The following RAB2A variants were observed in gnomAD, a reference collection of about 807,000 sequenced individuals.
RAB2A encodes the protein RAB2A, member RAS oncogene family, also known as ras-related protein Rab-2A.
Under a neutral mutation model 32.5 loss-of-function variants are expected in RAB2A, and 7 were observed. The ratio of observed to expected loss-of-function variants is 0.22; its 90% confidence interval spans 0.12 to 0.40. The LOEUF is 0.40. Ranked by LOEUF, RAB2A falls within the 10% of genes least tolerant of loss-of-function variation. The pLI is 1.00. For synonymous variants in RAB2A, 79 were observed against 85.2 expected, an observed-to-expected ratio of 0.93 and a Z score of 0.40; for missense variants, 108 against 260.7, an observed-to-expected ratio of 0.41 and a Z score of 4.03.
intron 1 of RAB2A, among the ~76,000 whole-genome samples, chr8:60,526,307 G>T (rs1411851270): frequency 6.6e-6 from 1 of 151,896 alleles, no homozygotes; most frequent in Non-Finnish European, 1.5e-5. Flanking sequence ...AGCTTTTCCC[G>T]ACTTCTAGAG....
At chr8:60,598,193 G>T (rs1337123001) in intron 6 of RAB2A, among the ~76,000 whole-genome samples, 3 of 152,084 alleles carry the variant, frequency 2.0e-5, no homozygotes, top group Non-Finnish European at 4.4e-5. Flanking sequence ...GTGAAACTAC[G>T]TCTCACAAAA....
chr8:60,544,022 A>G (rs962894215), intron 1 of RAB2A, among the ~76,000 whole-genome samples: 1 of 145,098 alleles, frequency 6.9e-6, no homozygotes, highest in African/African-American at 2.6e-5. Context: ...AGATTGCGCC[A>G]CTGCACTCCA....
intron 1 of RAB2A, among the ~76,000 whole-genome samples, chr8:60,529,527 T>C (rs1023608072): frequency 6.6e-6 from 1 of 152,218 alleles, no homozygotes; most frequent in South Asian, 2.1e-4. Flanking sequence ...CCGTTGTCAT[T>C]AGGTTTCCCT....
At chr8:60,598,252 T>C (rs1021391858) in intron 6 of RAB2A, among the ~76,000 whole-genome samples, 22 of 152,176 alleles carry the variant, frequency 1.4e-4, no homozygotes, top group Non-Finnish European at 3.2e-4. Flanking sequence ...ATTGAATTCA[T>C]AGTTTTAAAA....
At chr8:60,586,884 G>A (rs1031074189) in intron 5 of RAB2A, among the ~76,000 whole-genome samples, 1 of 150,014 alleles carries the variant, frequency 6.7e-6, no homozygotes, top group African/African-American at 2.5e-5. Flanking sequence ...AGCTATGATT[G>A]TGCCACCTGC....
chr8:60,517,107 C>T lies in RAB2A; in HGVS notation c.-101C>T, dbSNP rs1586054747. The stretch of plus-strand genomic sequence containing the variant: ...CAGCAGCAGCGGCGGCGGCGGGCGG[C>T]GCCTGGCGTTTCGAGGCTGAGCGGC... On this transcript the variant is annotated 5_prime_UTR_variant, in exon 1 of 8. Coordinates refer to ENST00000262646, the MANE Select transcript of RAB2A (RefSeq NM_002865.3). 1.1e-5 allele frequency: 14 copies of T among 1,253,500 alleles called. No homozygotes were observed. The highest frequency in any genetic ancestry group is 1.5e-5 in the Non-Finnish European group (14 of 948,738). 77.6% of individuals were successfully genotyped at this position (1,253,500 alleles called of 1,614,324 possible). A position where few individuals can be genotyped will look rare whatever the true frequency, so the allele number is the denominator to read the frequency against.
chr8:60,524,529 A>G (rs1239447535), intron 1 of RAB2A, among the ~76,000 whole-genome samples: 1 of 152,198 alleles, frequency 6.6e-6, no homozygotes, highest in Non-Finnish European at 1.5e-5. Flanking sequence ...ATTATTTGCA[A>G]GTTTTAAAAT....
intron 3 of RAB2A, among the ~76,000 whole-genome samples, chr8:60,575,744 G>T (rs944585957): frequency 1.4e-5 from 2 of 139,770 alleles, no homozygotes. Flanking sequence ...CGCAACCTCC[G>T]CCTCCCGGGT....
rs914365224 is a variant in RAB2A at position 60,622,284 on chromosome 8, C to A, written c.*1515C>A. On this transcript the variant is annotated 3_prime_UTR_variant, in exon 8 of 8. Coordinates refer to ENST00000262646, the MANE Select transcript of RAB2A (RefSeq NM_002865.3). ...ACTCTGAAACTAACTACTTTCATTT[C>A]GCTCATGGCCTTCAACTTTCTACAG... The A allele has an allele frequency of 1.3e-5, 2 of 152,208 alleles. No individual in the cohort carries two copies. The highest frequency in any genetic ancestry group is 2.9e-5 in the Non-Finnish European group (2 of 68,038). The allele number at this position is 152,208 out of a possible 1,614,324, so 9.4% of individuals were successfully genotyped here. A position where few individuals can be genotyped will look rare whatever the true frequency, so the allele number is the denominator to read the frequency against.
intron 1 of RAB2A, among the ~76,000 whole-genome samples, chr8:60,543,907 C>T (rs1162386555): frequency 1.3e-5 from 2 of 151,522 alleles, no homozygotes; most frequent in Admixed American, 6.6e-5. Context: ...ACTAAAAATA[C>T]GAAAATTAGC....
At chr8:60,533,704 C>T (rs1258597927) in intron 1 of RAB2A, among the ~76,000 whole-genome samples, 1 of 152,086 alleles carries the variant, frequency 6.6e-6, no homozygotes, top group Non-Finnish European at 1.5e-5. Context: ...GGCATGGTGG[C>T]TTACATCTGT....
chr8:60,592,098 TC>T, intron 6 of RAB2A, 129 bp downstream of exon 6: 1 of 516,154 alleles, frequency 1.9e-6, no homozygotes, highest in Non-Finnish European at 3.5e-6. Flanking sequence ...GAAAGTTTCT[TC>T]CCTTTGAAAT....
chr8:60,591,623 A>G (rs573577887), intron 5 of RAB2A: 3 of 334,298 alleles, frequency 9.0e-6, no homozygotes, highest in South Asian at 5.0e-5. Context: ...GGCTAGTTCT[A>G]ACGTTCTAAA....
chr8:60,579,413 C>T (rs1031627382), intron 3 of RAB2A, among the ~76,000 whole-genome samples: 4 of 152,154 alleles, frequency 2.6e-5, no homozygotes, highest in Non-Finnish European at 5.9e-5. Context: ...CCACTCTGGC[C>T]ACTCCACCCC....
At position 60,589,031 on chromosome 8, in the gene RAB2A, T is replaced by C. The variant is rs553781342; in HGVS notation, c.363-2827T>C. Among the ~76,000 whole-genome samples the C allele has an allele frequency of 6.6e-5, 10 of 152,346 alleles. No homozygotes were observed. The East Asian group carries it at 1.9e-3, about 29-fold the overall frequency. On this transcript the variant is annotated intron_variant, in intron 5 of 7. Transcript: ENST00000262646. Reference sequence around the variant, plus strand: ...ATTTAAATCATCTCACTAAACCTTTTTAAGGTTATAAAGCTATTGGAGGGA... The same window carrying C: ...ATTTAAATCATCTCACTAAACCTTTCTAAGGTTATAAAGCTATTGGAGGGA...
chr8:60,542,833 A>C (rs1235682760), intron 1 of RAB2A, among the ~76,000 whole-genome samples: 2 of 152,172 alleles, frequency 1.3e-5, no homozygotes, highest in African/African-American at 4.8e-5. Context: ...TGCAGTTTCC[A>C]GGAGAAAGAT....
At chr8:60,532,827 A>G (rs950395869) in intron 1 of RAB2A, among the ~76,000 whole-genome samples, 6 of 152,228 alleles carry the variant, frequency 3.9e-5, no homozygotes, top group African/African-American at 1.4e-4. Flanking sequence ...TGAATTTTCA[A>G]CCGGTTTAAG....
At chr8:60,544,996 C>T (rs945228474) in intron 1 of RAB2A, among the ~76,000 whole-genome samples, 14 of 151,950 alleles carry the variant, frequency 9.2e-5, no homozygotes, top group African/African-American at 1.9e-4. Flanking sequence ...CCGCCTGCCA[C>T]GGCCTCCCAA....
At chr8:60,577,133 C>T (rs1163923920) in intron 3 of RAB2A, among the ~76,000 whole-genome samples, 9 of 151,904 alleles carry the variant, frequency 5.9e-5, no homozygotes. Flanking sequence ...ACAGCCTCCA[C>T]CTCCCAGGCT....
Sources: gnomAD v4.1 joint callset for allele counts (sites outside exome capture counted in the v4.1 genomes callset) on GRCh38, gnomAD v4.1.1 for gene constraint, MANE v1.5 for transcripts, NCBI Gene and HGNC (gene_info 2026-07-23, HGNC 2026-07-21) for gene names.